Variants in NEK6 observed in about 807,000 individuals in gnomAD.
NEK6 encodes the protein serine/threonine-protein kinase Nek6.
NEK6 carries 27 observed loss-of-function variants against 43.5 expected under a neutral mutation model. The ratio of observed to expected loss-of-function variants is 0.62; its 90% CI spans 0.46 to 0.86. The LOEUF is 0.86. Ranked by LOEUF, NEK6 falls within the 40% of genes least tolerant of loss-of-function variation. The pLI is 0.00. For missense variants in NEK6, 318 were observed against 414.4 expected (o/e 0.77, Z 2.02); for synonymous variants, 167 against 164.1 (o/e 1.02, Z -0.14).
At chr9:124,294,931 G>A (rs1317987096) in intron 1 of NEK6, among the ~76,000 whole-genome samples, 1 of 152,206 alleles carries the variant, frequency 6.6e-6, no homozygotes, top group Non-Finnish European at 1.5e-5. Flanking sequence ...GCCCTGGGGT[G>A]AGTGAAGACA....
intron 1 of NEK6, among the ~76,000 whole-genome samples, chr9:124,289,527 C>A (rs1308094786): frequency 6.6e-6 from 1 of 152,062 alleles, no homozygotes; most frequent in Non-Finnish European, 1.5e-5. Flanking sequence ...GTTGGGGAGC[C>A]CAGGAGGCAT....
intron 3 of NEK6, among the ~76,000 whole-genome samples, chr9:124,313,461 G>A (rs916574874): frequency 2.6e-5 from 4 of 152,008 alleles, no homozygotes; most frequent in African/African-American, 7.3e-5. Flanking sequence ...TCTGCCTCCC[G>A]GGTTCAAGCG....
intron 3 of NEK6, among the ~76,000 whole-genome samples, chr9:124,313,196 T>C (rs1833629012): frequency 6.6e-6 from 1 of 152,112 alleles, no homozygotes; most frequent in Non-Finnish European, 1.5e-5. Context: ...CAGCAAAGCT[T>C]CCCAAGCCCC....
In NEK6 at chr9:124,275,888, T is replaced by C. The variant is rs1831630411; in HGVS notation, c.-30+17803T>C. On this transcript the variant is annotated intron_variant, in intron 1 of 9. Coordinates refer to ENST00000320246, the MANE Select transcript of NEK6 (RefSeq NM_014397.6). The surrounding 1 kb of genome is among the most constrained non-coding windows in gnomAD (Gnocchi z 4.4). ...AGCCCAGGCCTTTTCTGGGGACAGA[T>C]AGGTCAGCGGGACGGATGGAACCAG... Among the ~76,000 whole-genome samples, 1 of 152,216 alleles carries C rather than the reference T, an allele frequency of 6.6e-6. No homozygotes were observed. Among genetic ancestry groups the C allele is most frequent in the South Asian group, 2.1e-4 (1 of 4,828 alleles).
At chr9:124,350,436 T>G (rs1384241671) in intron 9 of NEK6, among the ~76,000 whole-genome samples, 6 of 152,156 alleles carry the variant, frequency 3.9e-5, no homozygotes, top group Non-Finnish European at 8.8e-5. Context: ...ATGCGTTTAT[T>G]ATGATCAATA....
chr9:124,327,240 C>A, intron 6 of NEK6, 98 bp from the exon 7 acceptor site: 1 of 962,766 alleles, frequency 1.0e-6, no homozygotes, highest in Non-Finnish European at 1.6e-6. Context: ...GGGAGCAGGA[C>A]CTGGGCTAGG....
intron 9 of NEK6, among the ~76,000 whole-genome samples, 197 bp from the exon 10 acceptor site, chr9:124,350,640 C>G (rs1252160384): frequency 6.6e-6 from 1 of 152,184 alleles, no homozygotes; most frequent in African/African-American, 2.4e-5. Context: ...GGGAGGGGTA[C>G]TGGCTAGCCC....
intron 7 of NEK6, among the ~76,000 whole-genome samples, chr9:124,333,773 CT>C (rs148074227): frequency 8.2e-3 from 982 of 119,978 alleles, no homozygotes; most frequent in African/African-American, 0.022. Flanking sequence ...CATTTCAGTC[CT>C]TTTTTTTTTT....
At chr9:124,281,480 G>GTTTT (rs1554845431) in intron 1 of NEK6, among the ~76,000 whole-genome samples, 6 of 114,906 alleles carry the variant, frequency 5.2e-5, no homozygotes, top group Admixed American at 4.8e-4. Flanking sequence ...CATGTCAGCT[G>GTTTT]TTTTTTCTTT....
chr9:124,264,755 C>T (rs1646922261), intron 1 of NEK6, among the ~76,000 whole-genome samples: 1 of 141,922 alleles, frequency 7.0e-6, no homozygotes, highest in Admixed American at 7.8e-5. Context: ...ACAGAGGCTG[C>T]AGTGAGCTGA....
At chr9:124,331,278 A>AAAAAC (rs1554854312) in intron 7 of NEK6, among the ~76,000 whole-genome samples, 1 of 150,794 alleles carries the variant, frequency 6.6e-6, no homozygotes, top group Non-Finnish European at 1.5e-5. Flanking sequence ...AAAAAACAAA[A>AAAAAC]CATTTTGCTC....
intron 2 of NEK6, among the ~76,000 whole-genome samples, chr9:124,307,130 T>TAAA (rs3050234): frequency 1.3e-4 from 20 of 149,830 alleles, no homozygotes; most frequent in East Asian, 9.7e-4. Flanking sequence ...TGCTCCTGTT[T>TAAA]AAAAAAAAAA....
intron 2 of NEK6, among the ~76,000 whole-genome samples, chr9:124,309,620 A>G (rs567952461): frequency 6.6e-6 from 1 of 152,334 alleles, no homozygotes; most frequent in South Asian, 2.1e-4. Flanking sequence ...CCCTTGCTTC[A>G]TGAAGCTATT....
rs1830318391 is a variant in NEK6, at chr9:124,352,366, T to TTCC, written c.*1422_*1424dup. ...CCGACAGTCTCTCCATATGCAGCCTTTCCTCTGTACTTTTCTCCATGGTTG... is the reference window on the plus strand; with the variant it reads ...CCGACAGTCTCTCCATATGCAGCCTTTCCTCCTCTGTACTTTTCTCCATGGTTG... On this transcript the variant is annotated 3_prime_UTR_variant, in exon 10 of 10. Coordinates refer to ENST00000320246, the MANE Select transcript of NEK6 (RefSeq NM_014397.6). 6.6e-6 allele frequency: 1 copy of TTCC among 152,268 alleles called. No individual in the cohort carries two copies. The highest frequency in any genetic ancestry group is 6.5e-5 in the Admixed American group (1 of 15,290). 9.4% of individuals were successfully genotyped at this position (152,268 alleles called of 1,614,324 possible). A position where few individuals can be genotyped will look rare whatever the true frequency, so the allele number is the denominator to read the frequency against.
In NEK6 at chr9:124,324,573, T is replaced by C. The variant is rs894196837; in HGVS notation, c.406-1757T>C. Among the ~76,000 whole-genome samples, 2 of 152,210 alleles carry C rather than the reference T, an allele frequency of 1.3e-5. No homozygotes were observed. The highest frequency in any genetic ancestry group is 2.9e-5 in the Non-Finnish European group (2 of 68,030). On this transcript the variant is annotated intron_variant, in intron 5 of 9. Coordinates refer to ENST00000320246, the MANE Select transcript of NEK6 (RefSeq NM_014397.6). The surrounding 1 kb of genome is among the most constrained non-coding windows in gnomAD (Gnocchi z 5.3). ...GCCACGCGCGTCCCTGCTTAAATGC[T>C]GTAATGAGGATTCACTCACATCACA...
chr9:124,268,637 G>A (rs1588437941), intron 1 of NEK6, among the ~76,000 whole-genome samples: 1 of 152,144 alleles, frequency 6.6e-6, no homozygotes, highest in Admixed American at 6.6e-5. Context: ...CACAGGCCAC[G>A]TGGTGACGTC....
intron 1 of NEK6, among the ~76,000 whole-genome samples, chr9:124,266,724 T>C (rs1012648306): frequency 6.6e-6 from 1 of 152,190 alleles, no homozygotes; most frequent in Non-Finnish European, 1.5e-5. Flanking sequence ...TAATATTTGT[T>C]GAGTGAATGG....
chr9:124,330,142 G>C (rs1265595701), intron 7 of NEK6, among the ~76,000 whole-genome samples: 2 of 152,202 alleles, frequency 1.3e-5, no homozygotes, highest in Non-Finnish European at 2.9e-5. Context: ...CAGTGCCATG[G>C]TCGGGCTGAC....
chr9:124,345,509 G>C (rs1024916630), intron 8 of NEK6, among the ~76,000 whole-genome samples: 15 of 152,202 alleles, frequency 9.9e-5, no homozygotes, highest in African/African-American at 3.6e-4. Flanking sequence ...GACATGATGG[G>C]AAGTGGATGC....
Sources: gnomAD v4.1 joint callset for allele counts (sites outside exome capture counted in the v4.1 genomes callset) on GRCh38, gnomAD v4.1.1 for gene constraint, Gnocchi (gnomAD v3.1) non-coding constraint, MANE v1.5 for transcripts, NCBI Gene and HGNC (gene_info 2026-07-23, HGNC 2026-07-21) for gene names.